Variants in FRMD6 observed in about 807,000 individuals in gnomAD.
FRMD6 encodes the protein FERM domain-containing protein 6.
Under a neutral mutation model 73.2 loss-of-function variants are expected in FRMD6, and 37 were observed. The observed-to-expected ratio is 0.51, with a 90% confidence interval of 0.39 to 0.66. FRMD6 has a LOEUF of 0.66. FRMD6 is among the 30% of genes least tolerant of loss of function. FRMD6 has a pLI of 0.00. For missense variants in FRMD6, 714 were observed against 780.5 expected, an observed-to-expected ratio of 0.91 and a Z score of 1.02; for synonymous variants, 273 against 282.2, an observed-to-expected ratio of 0.97 and a Z score of 0.33.
At chr14:51,411,721 G>C in the FRMD6 span, among the ~76,000 whole-genome samples, 1 of 152,152 alleles carries the variant, frequency 6.6e-6, no homozygotes, top group Non-Finnish European at 1.5e-5. Context: ...TTAATTAAGA[G>C]GGTGGATTTT....
chr14:51,413,689 G>A, the FRMD6 span, among the ~76,000 whole-genome samples: 4 of 152,292 alleles, frequency 2.6e-5, no homozygotes, highest in South Asian at 4.1e-4. Flanking sequence ...TAGGATTGCT[G>A]GGTCAAATGG....
At chr14:51,514,415 A>G (rs1267710081) in intron 1 of FRMD6, among the ~76,000 whole-genome samples, 1 of 152,188 alleles carries the variant, frequency 6.6e-6, no homozygotes, top group Admixed American at 6.5e-5. Context: ...TAAAACCTAG[A>G]TGATAGGTTG....
intron 10 of FRMD6, among the ~76,000 whole-genome samples, chr14:51,718,336 A>G (rs1018957201): frequency 6.6e-6 from 1 of 152,220 alleles, no homozygotes; most frequent in Non-Finnish European, 1.5e-5. Context: ...GAGGAACTAT[A>G]GTGATCTCTG....
chr14:51,520,016 A>G (rs1013177369), intron 1 of FRMD6, among the ~76,000 whole-genome samples: 1 of 152,258 alleles, frequency 6.6e-6, no homozygotes, highest in Non-Finnish European at 1.5e-5. Flanking sequence ...GAAAGGCACC[A>G]TTAAGAAAAT....
At chr14:51,443,158 A>AT in the FRMD6 span, among the ~76,000 whole-genome samples, 13 of 152,330 alleles carry the variant, frequency 8.5e-5, no homozygotes, top group African/African-American at 3.1e-4. Context: ...AATAAAACAT[A>AT]TTTGTTCCCT....
At chr14:51,523,519 T>C (rs768952626) in intron 1 of FRMD6, among the ~76,000 whole-genome samples, 2 of 152,196 alleles carry the variant, frequency 1.3e-5, no homozygotes, top group Non-Finnish European at 2.9e-5. Flanking sequence ...CAGAAACCCA[T>C]GCAAGTGATG....
At chr14:51,476,481 A>G in the FRMD6 span, among the ~76,000 whole-genome samples, 1 of 152,154 alleles carries the variant, frequency 6.6e-6, no homozygotes, top group African/African-American at 2.4e-5. Context: ...TTTACTCTTT[A>G]TACCTGCTTT....
intron 1 of FRMD6, among the ~76,000 whole-genome samples, chr14:51,532,065 G>C (rs566668240): frequency 1.7e-4 from 26 of 152,234 alleles, no homozygotes; most frequent in African/African-American, 6.0e-4. Flanking sequence ...CTTCTCTGGG[G>C]CTTTTTAAAA....
the FRMD6 span, among the ~76,000 whole-genome samples, chr14:51,401,022 T>C: frequency 6.6e-6 from 1 of 152,234 alleles, no homozygotes; most frequent in Non-Finnish European, 1.5e-5. Context: ...TAAAATTATA[T>C]ACATTTTGAA....
At chr14:51,515,242 A>G (rs1884559739) in intron 1 of FRMD6, among the ~76,000 whole-genome samples, 1 of 152,230 alleles carries the variant, frequency 6.6e-6, no homozygotes, top group South Asian at 2.1e-4. Context: ...CCAAGATCGT[A>G]GTTCTGCCTT....
intron 1 of FRMD6, among the ~76,000 whole-genome samples, chr14:51,550,019 G>T (rs1437950498): frequency 1.3e-5 from 2 of 152,174 alleles, no homozygotes; most frequent in African/African-American, 2.4e-5. Flanking sequence ...AATAGTGCCT[G>T]TCCTTTGGTG....
the FRMD6 span, among the ~76,000 whole-genome samples, chr14:51,413,749 G>A: frequency 1.8e-4 from 27 of 152,248 alleles, no homozygotes; most frequent in Middle Eastern, 3.4e-3. Flanking sequence ...CTTCCACAAT[G>A]GTTGAACTAG....
chr14:51,546,601 A>C (rs1017987957), intron 1 of FRMD6: 3 of 151,096 alleles, frequency 2.0e-5, no homozygotes, highest in East Asian at 1.9e-4. Context: ...AAAAAAAAAA[A>C]AAAAACCTGT....
At chr14:51,655,317 A>G (rs1892742652) in intron 1 of FRMD6, among the ~76,000 whole-genome samples, 1 of 152,206 alleles carries the variant, frequency 6.6e-6, no homozygotes, top group South Asian at 2.1e-4. Flanking sequence ...ATCATTACAC[A>G]TTTTGGGAGT....
the FRMD6 span, among the ~76,000 whole-genome samples, chr14:51,472,383 A>G: frequency 6.6e-6 from 1 of 152,100 alleles, no homozygotes; most frequent in Non-Finnish European, 1.5e-5. Context: ...AGCTCACTGC[A>G]AGCTCCACCT....
chr14:51,604,816 C>A (rs945378669), intron 2 of FRMD6, among the ~76,000 whole-genome samples: 1 of 152,172 alleles, frequency 6.6e-6, no homozygotes. Flanking sequence ...GCCCTCTCCA[C>A]GCCTCTGTAC....
chr14:51,562,973 G>A (rs538756274), intron 1 of FRMD6, among the ~76,000 whole-genome samples: 3 of 152,220 alleles, frequency 2.0e-5, no homozygotes, highest in Non-Finnish European at 4.4e-5. Flanking sequence ...TGACCTGGGG[G>A]TGATTTGATG....
Position 51,725,857 on chromosome 14 carries a change from A to G in FRMD6, c.1571A>G (p.Asp524Gly). The G allele has an allele frequency of 6.2e-7, 1 of 1,612,464 alleles. No individual in the cohort carries two copies. The highest frequency in any genetic ancestry group is 1.3e-5 in the African/African-American group (1 of 74,998). The change falls in exon 13 of 14, where the codon GAT (aspartate) becomes GGT (glycine). Residue 524 changes from aspartate to glycine, a missense_variant. Coordinates refer to ENST00000344768, the MANE Select transcript of FRMD6 (RefSeq NM_001267046.2). Reference protein sequence around the residue: ...TVVKLRGQSTDSLPQTICRKP... With the variant: ...TVVKLRGQSTGSLPQTICRKP... ...GTTAAGCTTCGTGGCCAGAGTACTG[A>G]TTCTCTTCCACAGGTATTAAAGGAA...
intron 2 of FRMD6, among the ~76,000 whole-genome samples, chr14:51,608,967 G>T (rs539365617): frequency 9.2e-5 from 14 of 152,222 alleles, no homozygotes; most frequent in African/African-American, 1.9e-4. Flanking sequence ...ACCAGCCTTG[G>T]GGGGTGGCTT....
Sources: gnomAD v4.1 joint callset for allele counts (sites outside exome capture counted in the v4.1 genomes callset) on GRCh38, gnomAD v4.1.1 for gene constraint, MANE v1.5 for transcripts, NCBI Gene and HGNC (gene_info 2026-07-23, HGNC 2026-07-21) for gene names.